The following LOC400499 variants were observed in gnomAD, a reference collection of about 807,000 sequenced individuals.
the LOC400499 span, chr16:11,435,756 G>A: frequency 1.5e-5 from 6 of 399,330 alleles, no homozygotes; most frequent in South Asian, 1.3e-4. Context: ...CCCCAGCCCC[G>A]GCTGCTCCTC....
At chr16:11,441,969 A>T in the LOC400499 span, among the ~76,000 whole-genome samples, 1 of 152,214 alleles carries the variant, frequency 6.6e-6, no homozygotes, top group Non-Finnish European at 1.5e-5. Flanking sequence ...AAACTAATAC[A>T]CAATTACTCC....
At chr16:11,464,668 G>A in the LOC400499 span, among the ~76,000 whole-genome samples, 6 of 152,178 alleles carry the variant, frequency 3.9e-5, no homozygotes, top group African/African-American at 1.4e-4. Flanking sequence ...CTTGAAGGGG[G>A]GACCTCCTGT....
the LOC400499 span, chr16:11,448,996 G>A: frequency 3.0e-5 from 46 of 1,523,042 alleles, 1 homozygote; most frequent in African/African-American, 9.6e-5. Flanking sequence ...AGGATCTTAC[G>A]GTCCCGGCTG....
chr16:11,429,138 C>A, the LOC400499 span, among the ~76,000 whole-genome samples: 1 of 152,160 alleles, frequency 6.6e-6, no homozygotes, highest in African/African-American at 2.4e-5. Context: ...TAATCCCCAG[C>A]GTCAGGGGTG....
the LOC400499 span, among the ~76,000 whole-genome samples, chr16:11,451,633 A>T: frequency 6.6e-6 from 1 of 152,232 alleles, no homozygotes; most frequent in Non-Finnish European, 1.5e-5. Flanking sequence ...GAAGAAAAAC[A>T]ATAAAGAAGG....
the LOC400499 span, among the ~76,000 whole-genome samples, chr16:11,467,949 T>C: frequency 6.6e-6 from 1 of 152,110 alleles, no homozygotes; most frequent in Admixed American, 6.6e-5. Flanking sequence ...AAAGGGGATG[T>C]GTGGACACAG....
At chr16:11,374,652 G>A in the LOC400499 span, among the ~76,000 whole-genome samples, 4 of 152,254 alleles carry the variant, frequency 2.6e-5, no homozygotes, top group South Asian at 6.2e-4. Context: ...GGTAGCGTGT[G>A]TCAGAATTTC....
chr16:11,502,697 C>G, the LOC400499 span, among the ~76,000 whole-genome samples: 1 of 151,928 alleles, frequency 6.6e-6, no homozygotes, highest in African/African-American at 2.4e-5. Context: ...TCACGGCAAC[C>G]TCCACCTCCT....
At chr16:11,418,344 G>T in the LOC400499 span, among the ~76,000 whole-genome samples, 1 of 152,158 alleles carries the variant, frequency 6.6e-6, no homozygotes, top group Non-Finnish European at 1.5e-5. Context: ...GACGACATAG[G>T]AGGTCAGCAC....
the LOC400499 span, among the ~76,000 whole-genome samples, chr16:11,463,473 T>A: frequency 1.2e-4 from 19 of 152,300 alleles, no homozygotes; most frequent in African/African-American, 4.3e-4. Flanking sequence ...CAGACGTGTA[T>A]GTACACAGAC....
At chr16:11,460,952 GC>G in the LOC400499 span, 1 of 1,521,252 alleles carries the variant, frequency 6.6e-7, no homozygotes, top group South Asian at 1.2e-5. Context: ...AACCAGGCAC[GC>G]AGTGCCTTAC....
the LOC400499 span, among the ~76,000 whole-genome samples, chr16:11,380,254 T>TTTGAC: frequency 1.3e-5 from 2 of 152,172 alleles, no homozygotes; most frequent in African/African-American, 2.4e-5. Flanking sequence ...TTTTTTTTTT[T>TTTGAC]TTGACTTGAA....
chr16:11,496,466 TCTG>T, the LOC400499 span, among the ~76,000 whole-genome samples: 69 of 152,220 alleles, frequency 4.5e-4, no homozygotes, highest in African/African-American at 1.6e-3. Flanking sequence ...AACATAAGCA[TCTG>T]TGTGTGTGCA....
At chr16:11,499,832 C>G in the LOC400499 span, among the ~76,000 whole-genome samples, 1 of 152,138 alleles carries the variant, frequency 6.6e-6, no homozygotes, top group Admixed American at 6.5e-5. Flanking sequence ...CACCCCCTTG[C>G]CCAGGAAAGT....
the LOC400499 span, among the ~76,000 whole-genome samples, chr16:11,490,331 G>C: frequency 2.0e-5 from 3 of 150,962 alleles, no homozygotes; most frequent in Non-Finnish European, 4.4e-5. Context: ...AGAAGGCAGA[G>C]GTTGCAGTGA....
chr16:11,521,585 G>C, the LOC400499 span, among the ~76,000 whole-genome samples: 1 of 152,114 alleles, frequency 6.6e-6, no homozygotes. Context: ...TTTGTCCAAA[G>C]GCTTGACTTG....
At chr16:11,483,190 ACT>A in the LOC400499 span, among the ~76,000 whole-genome samples, 3 of 152,266 alleles carry the variant, frequency 2.0e-5, no homozygotes, top group East Asian at 1.9e-4. Context: ...AGAAACTGAA[ACT>A]CTCACACAAT....
At chr16:11,415,417 C>A in the LOC400499 span, among the ~76,000 whole-genome samples, 1 of 152,242 alleles carries the variant, frequency 6.6e-6, no homozygotes, top group Non-Finnish European at 1.5e-5. Flanking sequence ...AGCTCCACAG[C>A]CCTGAGCCTC....
chr16:11,412,883 G>T, the LOC400499 span: 2 of 399,106 alleles, frequency 5.0e-6, no homozygotes, highest in Non-Finnish European at 8.8e-6. Flanking sequence ...GACCAAGGTG[G>T]CCTGAGAATC....
Sources: allele counts gnomAD v4.1 joint callset (sites outside exome capture counted in the v4.1 genomes callset), GRCh38; gene constraint gnomAD v4.1.1; transcripts MANE v1.5.